The following IQCJ variants were observed in gnomAD, a reference collection of about 807,000 sequenced individuals.
IQCJ encodes IQ motif containing J.
In IQCJ, 9 loss-of-function variants were observed where a neutral mutation model predicts 11.0. The ratio of observed to expected loss-of-function variants is 0.82; its 90% CI spans 0.49 to 1.43. IQCJ has a LOEUF of 1.43. IQCJ is among the 40% of genes most tolerant of loss of function. The pLI, the probability that IQCJ is intolerant of heterozygous loss-of-function variation, is 0.00. For missense variants in IQCJ, 146 were observed against 133.2 expected, an observed-to-expected ratio of 1.10 and a Z score of -0.47; for synonymous variants, 55 against 51.3, an observed-to-expected ratio of 1.07 and a Z score of -0.31.
chr3:159,254,387 A>G (rs1727774966), intron 3 of IQCJ, among the ~76,000 whole-genome samples: 3 of 152,134 alleles, frequency 2.0e-5, no homozygotes, highest in Admixed American at 1.3e-4. Flanking sequence ...CTGAGATTTT[A>G]TATTTGTTGA....
chr3:159,086,965 G>C (rs906093075), intron 1 of IQCJ, among the ~76,000 whole-genome samples: 6 of 152,184 alleles, frequency 3.9e-5, no homozygotes, highest in South Asian at 2.1e-4. Context: ...TTGAATAGGA[G>C]TGGTGAGAGA....
intron 1 of IQCJ, among the ~76,000 whole-genome samples, chr3:159,132,741 A>C (rs1429987388): frequency 2.0e-5 from 3 of 152,188 alleles, no homozygotes; most frequent in Non-Finnish European, 2.9e-5. Context: ...ATGGCTAATG[A>C]ATTCAAAAGC....
chr3:159,092,475 G>A (rs372181764), intron 1 of IQCJ, among the ~76,000 whole-genome samples: 1 of 151,878 alleles, frequency 6.6e-6, no homozygotes, highest in South Asian at 2.1e-4. Context: ...CAAGGTGGGC[G>A]GATCACGAGA....
At chr3:159,233,887 T>C (rs1726419823) in intron 1 of IQCJ, among the ~76,000 whole-genome samples, 1 of 152,168 alleles carries the variant, frequency 6.6e-6, no homozygotes, top group African/African-American at 2.4e-5. Flanking sequence ...ATCTTACACA[T>C]GATGAAACTG....
At chr3:159,209,394 A>T (rs565736850) in intron 1 of IQCJ, among the ~76,000 whole-genome samples, 3 of 152,198 alleles carry the variant, frequency 2.0e-5, no homozygotes, top group African/African-American at 7.2e-5. Context: ...CCACTGCTTA[A>T]TGAAGTCTCC....
At chr3:159,184,043 C>G (rs1723247318) in intron 1 of IQCJ, among the ~76,000 whole-genome samples, 2 of 151,532 alleles carry the variant, frequency 1.3e-5, no homozygotes, top group Non-Finnish European at 2.9e-5. Flanking sequence ...CCCTTTCCCA[C>G]CCTTACTTAA....
chr3:159,111,315 CTT>C (rs1475878085), intron 1 of IQCJ, among the ~76,000 whole-genome samples: 1 of 152,016 alleles, frequency 6.6e-6, no homozygotes, highest in African/African-American at 2.4e-5. Context: ...ACTCTTTTGT[CTT>C]GAGTCATATC....
chr3:159,105,828 C>T (rs560915109), intron 1 of IQCJ, among the ~76,000 whole-genome samples: 12 of 152,100 alleles, frequency 7.9e-5, no homozygotes, highest in Admixed American at 2.6e-4. Context: ...CACACGCAGC[C>T]GTATAGGACA....
chr3:159,071,800 C>A (rs1184665578), intron 1 of IQCJ, among the ~76,000 whole-genome samples: 1 of 151,948 alleles, frequency 6.6e-6, no homozygotes, highest in Non-Finnish European at 1.5e-5. Flanking sequence ...GTAGACCAGG[C>A]CTTTATTTTA....
At chr3:159,163,584 T>C (rs1347524104) in intron 1 of IQCJ, among the ~76,000 whole-genome samples, 1 of 152,124 alleles carries the variant, frequency 6.6e-6, no homozygotes, top group Non-Finnish European at 1.5e-5. Context: ...AGGCTGGTCT[T>C]GAACTTCTGA....
intron 1 of IQCJ, among the ~76,000 whole-genome samples, chr3:159,194,007 CA>C (rs1380700553): frequency 6.6e-6 from 1 of 152,190 alleles, no homozygotes; most frequent in Non-Finnish European, 1.5e-5. Flanking sequence ...ACCCTTCAGA[CA>C]TTTTGATATT....
intron 1 of IQCJ, among the ~76,000 whole-genome samples, chr3:159,201,538 TAA>T (rs1369417036): frequency 6.7e-6 from 1 of 148,178 alleles, no homozygotes; most frequent in African/African-American, 2.5e-5. Context: ...TGTGTGTGTG[TAA>T]AAACCATTTA....
Position 159,163,167 on chromosome 3 carries a change from A to G in IQCJ, c.10-82676A>G, listed in dbSNP as rs540182359. Among the ~76,000 whole-genome samples, 5 of 152,344 alleles carry G rather than the reference A, an allele frequency of 3.3e-5. No homozygotes were observed. In the East Asian group the frequency reaches 9.6e-4, roughly 29 times the overall value. ...ATCCTTGATGAACATTGATGCAAAA[A>G]TCCTCAATAAAATAGTGGCAAACCG... On this transcript the variant is annotated intron_variant, in intron 1 of 3. Coordinates refer to ENST00000397832, the MANE Select transcript of IQCJ (RefSeq NM_001042706.3).
Position 159,261,338 on chromosome 3 carries a change from G to A in IQCJ, c.156-1210G>A, listed in dbSNP as rs181545091. 1.2e-3 allele frequency among the ~76,000 whole-genome samples: 184 copies of A among 152,258 alleles called. 1 individual carries two copies. The highest frequency in any genetic ancestry group is 4.4e-3 in the African/African-American group (181 of 41,542). The stretch of plus-strand genomic sequence containing the variant: ...CAGAAGAGGTTAGACTGTGTTCAGT[G>A]ACCCCCCCTATGAAAATCGAGATGT... On this transcript the variant is annotated intron_variant, in intron 3 of 3. Coordinates refer to ENST00000397832, the MANE Select transcript of IQCJ (RefSeq NM_001042706.3).
intron 1 of IQCJ, among the ~76,000 whole-genome samples, chr3:159,156,052 C>T (rs1577046853): frequency 6.6e-6 from 1 of 152,190 alleles, no homozygotes; most frequent in Non-Finnish European, 1.5e-5. Flanking sequence ...GGCAGAGACA[C>T]TAAACACGTG....
At chr3:159,183,164 C>G (rs189149729) in intron 1 of IQCJ, among the ~76,000 whole-genome samples, 24 of 152,190 alleles carry the variant, frequency 1.6e-4, no homozygotes, top group Middle Eastern at 3.4e-3. Flanking sequence ...AAGTCAAAGT[C>G]AAGAGGAGGT....
intron 1 of IQCJ, among the ~76,000 whole-genome samples, chr3:159,148,515 A>G (rs1349562803): frequency 6.6e-6 from 1 of 152,224 alleles, no homozygotes; most frequent in African/African-American, 2.4e-5. Flanking sequence ...AATCTGTAAG[A>G]TATATGCTTA....
At chr3:159,252,259 G>A (rs1014643276) in intron 2 of IQCJ, among the ~76,000 whole-genome samples, 1 of 152,128 alleles carries the variant, frequency 6.6e-6, no homozygotes, top group African/African-American at 2.4e-5. Flanking sequence ...CTTTCTACAG[G>A]TCAGAGATCC....
intron 1 of IQCJ, among the ~76,000 whole-genome samples, chr3:159,217,110 T>C (rs2108107787): frequency 6.6e-6 from 1 of 152,262 alleles, no homozygotes; most frequent in Admixed American, 6.5e-5. Context: ...TTGCACATTA[T>C]CACCACCTAG....
Sources: allele counts gnomAD v4.1 joint callset (sites outside exome capture counted in the v4.1 genomes callset), GRCh38; gene constraint gnomAD v4.1.1; transcripts MANE v1.5; gene names NCBI Gene and HGNC (gene_info 2026-07-23, HGNC 2026-07-21).